Variants in LPGAT1 observed in about 807,000 individuals in gnomAD.
The protein encoded by LPGAT1 is acyl-CoA:lysophosphatidylglycerol acyltransferase 1.
In LPGAT1, 11 loss-of-function variants were observed where a neutral mutation model predicts 47.5. The observed-to-expected ratio is 0.23, with a 90% CI of 0.15 to 0.38. The LOEUF is 0.38. LPGAT1 is among the 10% of genes least tolerant of loss of function. The pLI is 1.00. For synonymous variants in LPGAT1, 138 were observed against 144.2 expected, an observed-to-expected ratio of 0.96 and a Z score of 0.31; for missense variants, 293 against 439.0, an observed-to-expected ratio of 0.67 and a Z score of 2.97.
intron 6 of LPGAT1, among the ~76,000 whole-genome samples, chr1:211,768,050 A>C (rs1215322665): frequency 6.6e-6 from 1 of 152,126 alleles, no homozygotes; most frequent in Non-Finnish European, 1.5e-5. Context: ...CTTTGTTCTA[A>C]CTTTTATGTC....
intron 6 of LPGAT1, among the ~76,000 whole-genome samples, chr1:211,764,300 C>T (rs1290415833): frequency 2.6e-5 from 4 of 152,166 alleles, no homozygotes; most frequent in Admixed American, 1.3e-4. Context: ...GCGCTATTCT[C>T]AGCTTTGCAC....
intron 2 of LPGAT1, among the ~76,000 whole-genome samples, chr1:211,810,652 T>C (rs1179122169): frequency 6.6e-6 from 1 of 152,150 alleles, no homozygotes; most frequent in African/African-American, 2.4e-5. Context: ...AGAAGTTTGC[T>C]CACTTATTGG....
At chr1:211,824,887 G>A (rs538353837) in intron 2 of LPGAT1, among the ~76,000 whole-genome samples, 20 of 151,990 alleles carry the variant, frequency 1.3e-4, no homozygotes, top group Non-Finnish European at 2.2e-4. Context: ...ATCCCTCCCC[G>A]AAAAGCAGGA....
chr1:211,777,672 A>G (rs1027232179), intron 6 of LPGAT1, among the ~76,000 whole-genome samples: 1 of 152,254 alleles, frequency 6.6e-6, no homozygotes, highest in African/African-American at 2.4e-5. Context: ...CAAAATTACC[A>G]ATTTAATCAT....
chr1:211,814,996 T>C (rs990971029), intron 2 of LPGAT1, among the ~76,000 whole-genome samples: 2 of 152,206 alleles, frequency 1.3e-5, no homozygotes, highest in Non-Finnish European at 2.9e-5. Flanking sequence ...AAGGCTGGCA[T>C]TCCTTCCACT....
chr1:211,785,850 G>A (rs1353042601), intron 4 of LPGAT1, among the ~76,000 whole-genome samples: 1 of 151,946 alleles, frequency 6.6e-6, no homozygotes, highest in African/African-American at 2.4e-5. Context: ...CAAGCAATCT[G>A]TCCACCTCGG....
chr1:211,764,963 T>C (rs1657848456), intron 6 of LPGAT1, among the ~76,000 whole-genome samples: 1 of 152,188 alleles, frequency 6.6e-6, no homozygotes, highest in Non-Finnish European at 1.5e-5. Context: ...AAAATGCCAT[T>C]TGGAGATACA....
intron 1 of LPGAT1, chr1:211,829,891 T>TG (rs1331592222): frequency 3.1e-6 from 3 of 980,410 alleles, no homozygotes; most frequent in African/African-American, 1.8e-5. Flanking sequence ...AGAAAAAAAA[T>TG]GGGGGGCCTA....
At chr1:211,768,924 G>C (rs1237015615) in intron 6 of LPGAT1, among the ~76,000 whole-genome samples, 1 of 152,162 alleles carries the variant, frequency 6.6e-6, no homozygotes, top group Non-Finnish European at 1.5e-5. Flanking sequence ...CATGAAGTAG[G>C]AATACGTTTG....
At chr1:211,801,590 C>T (rs1409560078) in intron 2 of LPGAT1, among the ~76,000 whole-genome samples, 1 of 151,874 alleles carries the variant, frequency 6.6e-6, no homozygotes, top group Admixed American at 6.6e-5. Flanking sequence ...TGCTTATAGT[C>T]CTAGCTATTT....
intron 5 of LPGAT1, among the ~76,000 whole-genome samples, chr1:211,780,132 G>C (rs539761405): frequency 1.3e-5 from 2 of 150,670 alleles, no homozygotes; most frequent in Admixed American, 1.3e-4. Flanking sequence ...AGCCGAGATC[G>C]CACCATTGCA....
In LPGAT1 at chr1:211,745,415, G is replaced by C. The variant is rs1022691679; in HGVS notation, c.*4484C>G. 1 of 152,054 alleles carries C rather than the reference G, an allele frequency of 6.6e-6. No individual in the cohort carries two copies. The highest frequency in any genetic ancestry group is 1.5e-5 in the Non-Finnish European group (1 of 68,016). The allele number at this position is 152,054 out of a possible 1,614,324, so 9.4% of individuals were successfully genotyped here. A position where few individuals can be genotyped will look rare whatever the true frequency, so the allele number is the denominator to read the frequency against. ...AAAATAAGTTACTGTAAAATGCATAGACTCCTTACACGTAAAGAATTTGTG... is the reference window on the plus strand; with the variant it reads ...AAAATAAGTTACTGTAAAATGCATACACTCCTTACACGTAAAGAATTTGTG... On this transcript the variant is annotated 3_prime_UTR_variant, in exon 8 of 8. Transcript: ENST00000366997.
At chr1:211,801,640 C>CAAAGCTACAG (rs1659577567) in intron 2 of LPGAT1, among the ~76,000 whole-genome samples, 2 of 145,212 alleles carry the variant, frequency 1.4e-5, no homozygotes, top group South Asian at 4.5e-4. Context: ...CCCAGGAGTT[C>CAAAGCTACAG]AAAGCTACAG....
chr1:211,761,395 G>A (rs1042385521), intron 6 of LPGAT1, among the ~76,000 whole-genome samples: 2 of 152,112 alleles, frequency 1.3e-5, no homozygotes, highest in African/African-American at 4.8e-5. Flanking sequence ...GGGCCATGGA[G>A]ATGATAATGA....
At chr1:211,808,551 G>T (rs991019921) in intron 2 of LPGAT1, among the ~76,000 whole-genome samples, 7 of 152,130 alleles carry the variant, frequency 4.6e-5, no homozygotes, top group African/African-American at 1.7e-4. Flanking sequence ...TTACTAAAAT[G>T]AGTACAATTT....
intron 3 of LPGAT1, among the ~76,000 whole-genome samples, chr1:211,792,575 T>A (rs988268188): frequency 6.6e-6 from 1 of 151,172 alleles, no homozygotes; most frequent in Non-Finnish European, 1.5e-5. Flanking sequence ...TTTTTTTAAG[T>A]CTCTACATTC....
rs141250699 is a variant in LPGAT1, at chr1:211,745,157, T to C, written c.*4742A>G. On this transcript the variant is annotated 3_prime_UTR_variant, in exon 8 of 8. Transcript: ENST00000366997. Reference sequence around the variant, plus strand: ...AACCAGATCCACGTGTGACCAGCCCTTTACAAAAATTAATTACAGTTGCCA... The same window carrying C: ...AACCAGATCCACGTGTGACCAGCCCCTTACAAAAATTAATTACAGTTGCCA... The C allele has an allele frequency of 3.9e-5, 6 of 152,764 alleles. No individual in the cohort carries two copies. In the East Asian group the frequency reaches 5.8e-4, roughly 15 times the overall value. 9.5% of individuals were successfully genotyped at this position (152,764 alleles called of 1,614,324 possible).
intron 6 of LPGAT1, among the ~76,000 whole-genome samples, chr1:211,771,848 T>C (rs1658186717): frequency 6.6e-6 from 1 of 152,184 alleles, no homozygotes; most frequent in South Asian, 2.1e-4. Flanking sequence ...TTTTCCTTAA[T>C]GACTTATGAC....
chr1:211,801,502 G>C lies in LPGAT1; in HGVS notation c.239-8312C>G, dbSNP rs531548349. Among the ~76,000 whole-genome samples the C allele has an allele frequency of 3.3e-5, 5 of 152,176 alleles. No individual in the cohort carries two copies. In the South Asian group the frequency reaches 1.0e-3, roughly 32 times the overall value. On this transcript the variant is annotated intron_variant, in intron 2 of 7. Transcript: ENST00000366997. ...GAGGTGGGAGGACTGCTTGAGCCTA[G>C]GAGTTCAAGATCAGCATGGGCGACA...
Sources: allele counts gnomAD v4.1 joint callset (sites outside exome capture counted in the v4.1 genomes callset), GRCh38; gene constraint gnomAD v4.1.1; transcripts MANE v1.5; gene names NCBI Gene and HGNC (gene_info 2026-07-23, HGNC 2026-07-21).